SH3BGRL2: variants seen among roughly 807,000 people sequenced by gnomAD.
SH3BGRL2 encodes SH3 domain-binding glutamic acid-rich-like protein 2.
In SH3BGRL2, 21 loss-of-function variants were observed where a neutral mutation model predicts 14.8. The ratio of observed to expected loss-of-function variants is 1.42; its 90% CI spans 1.01 to 2.05. The LOEUF is 2.05. SH3BGRL2 is among the 30% of genes most tolerant of loss of function. SH3BGRL2 has a pLI of 0.00. For missense variants in SH3BGRL2, 147 were observed against 130.8 expected, an observed-to-expected ratio of 1.12 and a Z score of -0.61; for synonymous variants, 50 against 47.8, an observed-to-expected ratio of 1.05 and a Z score of -0.19.
intron 3 of SH3BGRL2, 72 bp from the exon 4 acceptor site, chr6:79,699,426 A>C: frequency 6.8e-7 from 1 of 1,477,304 alleles, no homozygotes; most frequent in African/African-American, 1.5e-5. Flanking sequence ...ACCCCTGCCA[A>C]GGGTGAATTT....
chr6:79,667,984 C>T (rs1439866859), intron 1 of SH3BGRL2, among the ~76,000 whole-genome samples: 1 of 47,484 alleles, frequency 2.1e-5, no homozygotes, highest in Non-Finnish European at 4.0e-5. Flanking sequence ...TATTCAATCT[C>T]AATGTTAAAA....
At chr6:79,571,761 C>G in the SH3BGRL2 span, among the ~76,000 whole-genome samples, 260 of 152,122 alleles carry the variant, frequency 1.7e-3, no homozygotes, top group African/African-American at 5.8e-3. Context: ...ACATATATAT[C>G]ATTAAATAAA....
At chr6:79,663,079 C>T (rs529407504) in intron 1 of SH3BGRL2, among the ~76,000 whole-genome samples, 7 of 152,104 alleles carry the variant, frequency 4.6e-5, no homozygotes, top group Non-Finnish European at 8.8e-5. Flanking sequence ...AGCTTCCTTG[C>T]GAAGGGTTAG....
At chr6:79,612,388 A>G in the SH3BGRL2 span, among the ~76,000 whole-genome samples, 2 of 152,132 alleles carry the variant, frequency 1.3e-5, no homozygotes, top group African/African-American at 4.8e-5. Flanking sequence ...TCCCAATTAT[A>G]CCCTACAGTG....
intron 2 of SH3BGRL2, among the ~76,000 whole-genome samples, chr6:79,678,661 T>C (rs2127734806): frequency 6.6e-6 from 1 of 152,334 alleles, no homozygotes; most frequent in Non-Finnish European, 1.5e-5. Flanking sequence ...TATTTTATAT[T>C]TCTTTTATTT....
the SH3BGRL2 span, among the ~76,000 whole-genome samples, chr6:79,587,469 A>G: frequency 6.6e-6 from 1 of 152,174 alleles, no homozygotes; most frequent in Non-Finnish European, 1.5e-5. Context: ...TGAAGACAGA[A>G]AGTATAAAAT....
intron 3 of SH3BGRL2, 101 bp from the exon 4 acceptor site, chr6:79,699,397 T>C (rs1770402209): frequency 7.6e-7 from 1 of 1,318,666 alleles, no homozygotes; most frequent in African/African-American, 1.5e-5. Context: ...CCAACATCTC[T>C]GTTCCTGACA....
the SH3BGRL2 span, among the ~76,000 whole-genome samples, chr6:79,623,858 TTA>T: frequency 3.3e-5 from 5 of 152,192 alleles, no homozygotes; most frequent in Admixed American, 2.6e-4. Context: ...TAATAACACT[TTA>T]TGTTTTGTTT....
chr6:79,590,473 G>C, the SH3BGRL2 span, among the ~76,000 whole-genome samples: 1 of 103,504 alleles, frequency 9.7e-6, no homozygotes, highest in Admixed American at 1.0e-4. Context: ...ATGCGCCATG[G>C]AATACAGCGC....
the SH3BGRL2 span, among the ~76,000 whole-genome samples, chr6:79,612,357 G>A: frequency 6.6e-5 from 10 of 152,228 alleles, no homozygotes; most frequent in African/African-American, 2.2e-4. Flanking sequence ...ACAAACATGT[G>A]CAATGTATTA....
At chr6:79,584,463 C>G in the SH3BGRL2 span, among the ~76,000 whole-genome samples, 1 of 152,172 alleles carries the variant, frequency 6.6e-6, no homozygotes, top group African/African-American at 2.4e-5. Context: ...TGTAGACCTT[C>G]CTGAATGCCT....
chr6:79,657,699 C>T (rs1166672061), intron 1 of SH3BGRL2, among the ~76,000 whole-genome samples: 1 of 151,322 alleles, frequency 6.6e-6, no homozygotes, highest in East Asian at 1.9e-4. Flanking sequence ...TCACTGCAAC[C>T]TCCACCTCCC....
the SH3BGRL2 span, among the ~76,000 whole-genome samples, chr6:79,567,985 G>A: frequency 6.6e-6 from 1 of 152,116 alleles, no homozygotes; most frequent in Admixed American, 6.6e-5. Context: ...ATAAAAAGAT[G>A]TCCAACCTCA....
At chr6:79,593,559 G>A in the SH3BGRL2 span, among the ~76,000 whole-genome samples, 2 of 152,184 alleles carry the variant, frequency 1.3e-5, no homozygotes, top group African/African-American at 4.8e-5. Flanking sequence ...TTCAGTGAAT[G>A]GATGAGTAAG....
the SH3BGRL2 span, among the ~76,000 whole-genome samples, chr6:79,616,176 C>A: frequency 2.6e-5 from 4 of 152,180 alleles, no homozygotes; most frequent in Non-Finnish European, 5.9e-5. Context: ...AAGTCACCTT[C>A]TTCTGTTGTG....
intron 2 of SH3BGRL2, among the ~76,000 whole-genome samples, chr6:79,682,348 CT>C (rs1347958923): frequency 2.6e-5 from 4 of 151,954 alleles, no homozygotes; most frequent in Non-Finnish European, 5.9e-5. Context: ...GTAGCCCAGG[CT>C]GGAGTCCCAA....
chr6:79,683,883 T>A (rs535271641), intron 2 of SH3BGRL2, among the ~76,000 whole-genome samples: 1 of 152,208 alleles, frequency 6.6e-6, no homozygotes, highest in South Asian at 2.1e-4. Flanking sequence ...TTCCCAGGTC[T>A]CTGTCCTGAC....
At chr6:79,558,048 C>T in the SH3BGRL2 span, among the ~76,000 whole-genome samples, 1 of 152,140 alleles carries the variant, frequency 6.6e-6, no homozygotes. Context: ...AATAGAATCT[C>T]CTAAAAGAGA....
intron 2 of SH3BGRL2, among the ~76,000 whole-genome samples, chr6:79,686,849 A>G (rs540340299): frequency 2.6e-5 from 4 of 152,130 alleles, no homozygotes; most frequent in Non-Finnish European, 5.9e-5. Context: ...TGGGGGTAGC[A>G]TGAAGCAGAC....
Sources: gnomAD v4.1 joint callset for allele counts (sites outside exome capture counted in the v4.1 genomes callset) on GRCh38, gnomAD v4.1.1 for gene constraint, MANE v1.5 for transcripts, NCBI Gene and HGNC (gene_info 2026-07-23, HGNC 2026-07-21) for gene names.